The following SLC35F4 variants were observed in gnomAD, a reference collection of about 807,000 sequenced individuals.
The protein encoded by SLC35F4 is solute carrier family 35 member F4.
A neutral mutation model predicts 44.2 loss-of-function variants in SLC35F4; 24 were observed. The ratio of observed to expected loss-of-function variants is 0.54; its 90% CI spans 0.39 to 0.76. The LOEUF (loss-of-function observed/expected upper bound fraction) is 0.76, where lower values mean the gene tolerates loss of function less well. Ranked by LOEUF, SLC35F4 falls within the 30% of genes least tolerant of loss-of-function variation. The pLI, the probability that SLC35F4 is intolerant of heterozygous loss-of-function variation, is 0.00. For missense variants in SLC35F4, 562 were observed against 586.1 expected, an observed-to-expected ratio of 0.96 and a Z score of 0.42; for synonymous variants, 238 against 223.6, an observed-to-expected ratio of 1.06 and a Z score of -0.57.
intron 1 of SLC35F4, among the ~76,000 whole-genome samples, chr14:57,606,357 G>A (rs2071165935): frequency 6.6e-6 from 1 of 152,018 alleles, no homozygotes; most frequent in South Asian, 2.1e-4. Context: ...TAACTTAATG[G>A]CATTTTAAAA....
intron 1 of SLC35F4, among the ~76,000 whole-genome samples, chr14:57,612,773 T>G (rs1459177696): frequency 1.3e-5 from 2 of 152,218 alleles, no homozygotes; most frequent in Admixed American, 1.3e-4. Context: ...TCAAGAAATA[T>G]TTAAGTGACT....
At chr14:57,800,172 T>C (rs1468811956) in intron 1 of SLC35F4, among the ~76,000 whole-genome samples, 1 of 152,184 alleles carries the variant, frequency 6.6e-6, no homozygotes, top group Admixed American at 6.5e-5. Flanking sequence ...CTGCCATCTT[T>C]GCTCTTTCAC....
chr14:57,641,640 A>T (rs116430982), intron 1 of SLC35F4, among the ~76,000 whole-genome samples: 4,086 of 152,140 alleles, frequency 0.027, 85 homozygotes, highest in South Asian at 0.079. Context: ...CTTTTAAATG[A>T]CAATGTTTCA....
chr14:57,836,603 T>C (rs1405424066), intron 1 of SLC35F4, among the ~76,000 whole-genome samples: 1 of 152,196 alleles, frequency 6.6e-6, no homozygotes, highest in Non-Finnish European at 1.5e-5. Context: ...AATTTTATTT[T>C]AACTCAAACA....
intron 1 of SLC35F4, among the ~76,000 whole-genome samples, chr14:57,823,388 G>A (rs1423591526): frequency 6.6e-6 from 1 of 152,144 alleles, no homozygotes; most frequent in Non-Finnish European, 1.5e-5. Flanking sequence ...CTCATTTATT[G>A]TTTACTTGTC....
chr14:57,572,679 A>T (rs1271798363), intron 4 of SLC35F4, among the ~76,000 whole-genome samples: 1 of 152,256 alleles, frequency 6.6e-6, no homozygotes, highest in Non-Finnish European at 1.5e-5. Flanking sequence ...CCACTGAAAG[A>T]TAATTTCATT....
chr14:57,749,209 T>A (rs1369612701), intron 1 of SLC35F4, among the ~76,000 whole-genome samples: 1 of 152,278 alleles, frequency 6.6e-6, no homozygotes, highest in East Asian at 1.9e-4. Flanking sequence ...GATTGAAATT[T>A]TATTCTCATT....
intron 1 of SLC35F4, among the ~76,000 whole-genome samples, chr14:57,721,193 C>A (rs1213543461): frequency 4.0e-5 from 6 of 151,444 alleles, no homozygotes; most frequent in Non-Finnish European, 7.4e-5. Flanking sequence ...ATGATTAGAA[C>A]CAAAAGTGCT....
intron 1 of SLC35F4, among the ~76,000 whole-genome samples, chr14:57,747,755 T>G (rs1376471385): frequency 6.6e-6 from 1 of 152,224 alleles, no homozygotes; most frequent in African/African-American, 2.4e-5. Flanking sequence ...TTGATGTCAT[T>G]AAATATTCAA....
At chr14:57,950,200 T>C (rs971954637) in intron 1 of SLC35F4, among the ~76,000 whole-genome samples, 3 of 151,990 alleles carry the variant, frequency 2.0e-5, no homozygotes, top group African/African-American at 7.2e-5. Flanking sequence ...AATCCCAAAT[T>C]TCTTGGAAGC....
At chr14:57,633,253 G>A (rs763012236) in intron 1 of SLC35F4, among the ~76,000 whole-genome samples, 1 of 152,138 alleles carries the variant, frequency 6.6e-6, no homozygotes, top group Non-Finnish European at 1.5e-5. Flanking sequence ...ACACCAAGGA[G>A]TGAGATTACT....
At chr14:57,587,418 A>G (rs561602455) in intron 3 of SLC35F4, among the ~76,000 whole-genome samples, 24 of 152,358 alleles carry the variant, frequency 1.6e-4, no homozygotes, top group Non-Finnish European at 3.4e-4. Flanking sequence ...TGTGGCACAT[A>G]TACACTATGG....
chr14:57,707,873 CT>C (rs1178623301), intron 1 of SLC35F4, among the ~76,000 whole-genome samples: 3 of 152,126 alleles, frequency 2.0e-5, no homozygotes. Flanking sequence ...TTAAGCTGTC[CT>C]TGTTCATTCC....
At chr14:57,767,502 G>A (rs2077262590) in intron 1 of SLC35F4, among the ~76,000 whole-genome samples, 1 of 152,042 alleles carries the variant, frequency 6.6e-6, no homozygotes, top group Non-Finnish European at 1.5e-5. Flanking sequence ...GAACTGAAAT[G>A]AAAATACAAC....
At chr14:57,787,028 G>C (rs987910607) in intron 1 of SLC35F4, among the ~76,000 whole-genome samples, 1 of 152,138 alleles carries the variant, frequency 6.6e-6, no homozygotes, top group African/African-American at 2.4e-5. Flanking sequence ...TACAAGAAGT[G>C]AAGGGAGAAA....
chr14:57,875,841 G>T (rs1888388464), intron 1 of SLC35F4, among the ~76,000 whole-genome samples: 1 of 152,182 alleles, frequency 6.6e-6, no homozygotes, highest in Admixed American at 6.5e-5. Context: ...CTTGGATTCT[G>T]CTACATCCAA....
chr14:57,667,748 G>T (rs2074366790), intron 1 of SLC35F4, among the ~76,000 whole-genome samples: 1 of 151,448 alleles, frequency 6.6e-6, no homozygotes, highest in African/African-American at 2.4e-5. Flanking sequence ...TGGACATTTG[G>T]GTTGGTTCCG....
intron 3 of SLC35F4, among the ~76,000 whole-genome samples, chr14:57,586,153 G>A (rs1228193939): frequency 6.6e-6 from 1 of 152,128 alleles, no homozygotes; most frequent in Non-Finnish European, 1.5e-5. Context: ...GAACAGAACA[G>A]AGGCCTCAGA....
rs1482941559 is a variant in SLC35F4 at position 57,564,114 on chromosome 14, G to C, written c.*21C>G. ...ATATTCACAGAATATACATACACGTGCATTCAAAATATGTCCCTCTCTAAG... is the reference window on the plus strand; with the variant it reads ...ATATTCACAGAATATACATACACGTCCATTCAAAATATGTCCCTCTCTAAG... On this transcript the variant is annotated 3_prime_UTR_variant, in exon 8 of 8. Coordinates refer to ENST00000556826, the MANE Select transcript of SLC35F4 (RefSeq NM_001306087.2). The C allele has an allele frequency of 1.9e-6, 3 of 1,612,532 alleles. No individual in the cohort carries two copies. Among genetic ancestry groups the C allele is most frequent in the Non-Finnish European group, 1.7e-6 (2 of 1,179,014 alleles).
Sources: allele counts gnomAD v4.1 joint callset (sites outside exome capture counted in the v4.1 genomes callset), GRCh38; gene constraint gnomAD v4.1.1; transcripts MANE v1.5; gene names NCBI Gene and HGNC (gene_info 2026-07-23, HGNC 2026-07-21).